The following GRIK3 variants were observed in gnomAD, a reference collection of about 807,000 sequenced individuals.
The protein encoded by GRIK3 is glutamate ionotropic receptor kainate type subunit 3, also known as glutamate receptor ionotropic, kainate 3.
Under a neutral mutation model 102.5 loss-of-function variants are expected in GRIK3, and 29 were observed. The observed-to-expected ratio is 0.28, with a 90% CI of 0.21 to 0.39. The LOEUF is 0.39. Ranked by LOEUF, GRIK3 falls within the 10% of genes least tolerant of loss-of-function variation. The pLI, the probability that GRIK3 is intolerant of heterozygous loss-of-function variation, is 1.00. For missense variants in GRIK3, 908 were observed against 1,252.4 expected (o/e 0.73, Z 4.15); for synonymous variants, 511 against 504.9 (o/e 1.01, Z -0.16).
intron 9 of GRIK3, among the ~76,000 whole-genome samples, chr1:36,844,941 G>A (rs1221027303): frequency 6.6e-6 from 1 of 152,058 alleles, no homozygotes; most frequent in Non-Finnish European, 1.5e-5. Flanking sequence ...CCCCTCCCTG[G>A]CCTGATCCTC....
intron 4 of GRIK3, among the ~76,000 whole-genome samples, chr1:36,871,167 C>T (rs1387997126): frequency 6.6e-6 from 1 of 152,136 alleles, no homozygotes; most frequent in Non-Finnish European, 1.5e-5. Context: ...GACTCCTGGG[C>T]CTCTTGCTCC....
chr1:37,033,899 A>C, intron 1 of GRIK3, 95 bp downstream of exon 1: 1 of 624,548 alleles, frequency 1.6e-6, no homozygotes, highest in Non-Finnish European at 2.8e-6. Context: ...GCTCGGAGAG[A>C]GGTTAGGAAA....
rs190256089 is a variant in GRIK3 at position 36,959,271 on chromosome 1, C to T, written c.116-68175G>A. ...CTGTGTGTCCGGTAAGTCTGTGCCC[C>T]GTGAGCCTGTGCCTGTGAGCCTGTG... On this transcript the variant is annotated intron_variant, in intron 1 of 15. Coordinates refer to ENST00000373091, the MANE Select transcript of GRIK3 (RefSeq NM_000831.4). 5.6e-3 allele frequency among the ~76,000 whole-genome samples: 661 copies of T among 118,144 alleles called. 76 individuals carry two copies. Among genetic ancestry groups the T allele is most frequent in the Middle Eastern group, 0.026 (4 of 152 alleles). The allele number at this position is 118,144 out of a possible 152,430, so 77.5% of individuals were successfully genotyped here.
chr1:36,869,235 T>C (rs919222638), intron 5 of GRIK3, among the ~76,000 whole-genome samples: 2 of 152,058 alleles, frequency 1.3e-5, no homozygotes, highest in Non-Finnish European at 1.5e-5. Context: ...TAGCTGACAG[T>C]GAGTGGGCAG....
chr1:36,819,857 G>C lies in GRIK3; in HGVS notation c.1755-3C>G. 1 of 1,472,710 alleles carries C rather than the reference G, an allele frequency of 6.8e-7. No homozygotes were observed. Among genetic ancestry groups the C allele is most frequent in the Non-Finnish European group, 9.4e-7 (1 of 1,061,766 alleles). 91.2% of individuals were successfully genotyped at this position (1,472,710 alleles called of 1,614,324 possible). A position where few individuals can be genotyped will look rare whatever the true frequency, so the allele number is the denominator to read the frequency against. ...CGTACCACTCATAAGGGCTGAACCT[G>C]CCACAGGAGGAGAGGGACAGTCAGC... On this transcript the variant is annotated splice_polypyrimidine_tract_variant and splice_region_variant and intron_variant, in intron 11 of 15. Transcript: ENST00000373091. This position sits in a 1 kb window ranked among gnomAD's most constrained non-coding sequence, Gnocchi z 4.1.
chr1:36,830,755 G>C (rs1212424453), intron 10 of GRIK3, among the ~76,000 whole-genome samples: 1 of 143,404 alleles, frequency 7.0e-6, no homozygotes, highest in African/African-American at 2.6e-5. Flanking sequence ...GGATTGCAGT[G>C]AGCCGAGATC....
intron 1 of GRIK3, among the ~76,000 whole-genome samples, chr1:36,920,393 T>C (rs538895340): frequency 1.2e-4 from 19 of 152,240 alleles, no homozygotes; most frequent in African/African-American, 3.4e-4. Context: ...GGGTGTGCCT[T>C]ACCTGCTCCA....
chr1:36,991,778 G>T (rs912178730), intron 1 of GRIK3, among the ~76,000 whole-genome samples: 3 of 152,244 alleles, frequency 2.0e-5, no homozygotes, highest in Admixed American at 6.5e-5. Flanking sequence ...AACAAAGAGT[G>T]ATTGTAACAG....
At chr1:36,811,809 A>C (rs1421362007) in intron 13 of GRIK3, among the ~76,000 whole-genome samples, 1 of 152,180 alleles carries the variant, frequency 6.6e-6, no homozygotes, top group Non-Finnish European at 1.5e-5. Context: ...ACCACTGTAC[A>C]TACAGGAGCT....
Position 36,829,187 on chromosome 1 carries a change from T to C in GRIK3, c.1531-3361A>G, listed in dbSNP as rs557422545. ...TACGATTTCCCTGAGAAAGGCATTA[T>C]TTTGTCCAACTTCCCTTGAAAGATG... On this transcript the variant is annotated intron_variant, in intron 10 of 15. Coordinates refer to ENST00000373091, the MANE Select transcript of GRIK3 (RefSeq NM_000831.4). Among the ~76,000 whole-genome samples, 13 of 152,324 alleles carry C rather than the reference T, an allele frequency of 8.5e-5. No individual in the cohort carries two copies. In the South Asian group the frequency reaches 2.3e-3, roughly 27 times the overall value.
At chr1:36,939,174 G>C (rs184199254) in intron 1 of GRIK3, among the ~76,000 whole-genome samples, 1 of 152,200 alleles carries the variant, frequency 6.6e-6, no homozygotes, top group Non-Finnish European at 1.5e-5. Flanking sequence ...ACCACACAAC[G>C]CATGGAAGTG....
At chr1:36,894,350 A>C (rs1255761833) in intron 1 of GRIK3, among the ~76,000 whole-genome samples, 1 of 152,232 alleles carries the variant, frequency 6.6e-6, no homozygotes, top group Non-Finnish European at 1.5e-5. Context: ...CTTTATTGCT[A>C]AATAATATTA....
intron 1 of GRIK3, among the ~76,000 whole-genome samples, chr1:36,997,509 T>G (rs944229496): frequency 1.3e-5 from 2 of 152,178 alleles, no homozygotes; most frequent in Non-Finnish European, 2.9e-5. Flanking sequence ...TCCATGGCAC[T>G]GGGCAGGGGG....
At chr1:36,915,636 G>A (rs575454408) in intron 1 of GRIK3, among the ~76,000 whole-genome samples, 98 of 152,172 alleles carry the variant, frequency 6.4e-4, no homozygotes, top group African/African-American at 1.3e-3. Flanking sequence ...GGTCTTTCCC[G>A]TGCTGTTTTC....
intron 1 of GRIK3, among the ~76,000 whole-genome samples, chr1:37,010,903 G>T (rs190639347): frequency 6.6e-6 from 1 of 152,036 alleles, no homozygotes; most frequent in Non-Finnish European, 1.5e-5. Context: ...CACCGCGCCC[G>T]GCTAATTTTT....
At chr1:36,954,543 G>C (rs1283549371) in intron 1 of GRIK3, among the ~76,000 whole-genome samples, 1 of 152,182 alleles carries the variant, frequency 6.6e-6, no homozygotes, top group Admixed American at 6.5e-5. Context: ...TGGCATGTGT[G>C]GGTCTCCAGG....
chr1:36,850,900 G>C lies in GRIK3; in HGVS notation c.1213-476C>G, dbSNP rs1640577424. Among the ~76,000 whole-genome samples, 1 of 152,232 alleles carries C rather than the reference G, an allele frequency of 6.6e-6. No individual in the cohort carries two copies. Among genetic ancestry groups the C allele is most frequent in the Admixed American group, 6.5e-5 (1 of 15,284 alleles). On this transcript the variant is annotated intron_variant, in intron 8 of 15. Coordinates refer to ENST00000373091, the MANE Select transcript of GRIK3 (RefSeq NM_000831.4). The surrounding 1 kb of genome is among the most constrained non-coding windows in gnomAD (Gnocchi z 4.0). Reference sequence around the variant, plus strand: ...ATGCTGCTGGGTTTAAAGGCAGTTTGCTTTGTGGTTTTACATTTAAAACTG... The same window carrying C: ...ATGCTGCTGGGTTTAAAGGCAGTTTCCTTTGTGGTTTTACATTTAAAACTG...
chr1:36,881,553 C>T (rs1640977109), intron 2 of GRIK3, among the ~76,000 whole-genome samples: 1 of 152,144 alleles, frequency 6.6e-6, no homozygotes, highest in Non-Finnish European at 1.5e-5. Context: ...GTGGCTTCAC[C>T]TGCAAAATAC....
At chr1:36,848,050 G>A (rs368073991) in intron 9 of GRIK3, among the ~76,000 whole-genome samples, 1 of 152,232 alleles carries the variant, frequency 6.6e-6, no homozygotes, top group African/African-American at 2.4e-5. Context: ...GCAAGAAGCT[G>A]CAAGTATTGA....
Sources: gnomAD v4.1 joint callset for allele counts (sites outside exome capture counted in the v4.1 genomes callset) on GRCh38, gnomAD v4.1.1 for gene constraint, Gnocchi (gnomAD v3.1) non-coding constraint, MANE v1.5 for transcripts, NCBI Gene and HGNC (gene_info 2026-07-23, HGNC 2026-07-21) for gene names.